Variants in USH2A observed in about 807,000 individuals in gnomAD.
USH2A encodes usherin.
A neutral mutation model predicts 538.9 loss-of-function variants in USH2A; 443 were observed. The ratio of observed to expected loss-of-function variants is 0.82; its 90% CI spans 0.76 to 0.89. The LOEUF (loss-of-function observed/expected upper bound fraction) is 0.89. Ranked by LOEUF, USH2A falls within the 40% of genes least tolerant of loss-of-function variation. The probability of loss-of-function intolerance (pLI) is 0.00; values close to 1 mark genes in which losing one functional copy is unlikely to be tolerated. For synonymous variants in USH2A, 2,413 were observed against 2,273.5 expected, an observed-to-expected ratio of 1.06 and a Z score of -1.75; for missense variants, 6,633 against 6,324.8, an observed-to-expected ratio of 1.05 and a Z score of -1.65.
chr1:215,738,544 C>A (rs1307853240), intron 60 of USH2A, among the ~76,000 whole-genome samples: 4 of 151,902 alleles, frequency 2.6e-5, no homozygotes, highest in African/African-American at 9.7e-5. Flanking sequence ...GGTTATTTTG[C>A]TTTGTTTTTG....
chr1:215,770,741 G>T (rs1558090426), intron 55 of USH2A, among the ~76,000 whole-genome samples: 1 of 151,962 alleles, frequency 6.6e-6, no homozygotes, highest in East Asian at 1.9e-4. Context: ...GCTATTATTT[G>T]TTCATTATAC....
rs920792186 is a variant in USH2A, at chr1:216,414,022, G to A, written c.651+4492C>T. Among the ~76,000 whole-genome samples the A allele has an allele frequency of 5.9e-5, 9 of 152,060 alleles. No individual in the cohort carries two copies. The South Asian group carries it at 6.2e-4, about 11-fold the overall frequency. ...ATTGTTTTACCTACCAATCCATAAC[G>A]AAATGCTAAAGTAAATTTTTTTACA... On this transcript the variant is annotated intron_variant, in intron 3 of 71. Coordinates refer to ENST00000307340, the MANE Select transcript of USH2A (RefSeq NM_206933.4).
chr1:216,170,511 C>T (rs1395188459), intron 21 of USH2A, among the ~76,000 whole-genome samples: 2 of 152,032 alleles, frequency 1.3e-5, no homozygotes, highest in African/African-American at 4.8e-5. Flanking sequence ...CAGTGGTTTG[C>T]TACAAAGATC....
At chr1:216,386,198 A>G (rs1178123705) in intron 3 of USH2A, among the ~76,000 whole-genome samples, 1 of 152,156 alleles carries the variant, frequency 6.6e-6, no homozygotes, top group African/African-American at 2.4e-5. Flanking sequence ...GAAGTTATTA[A>G]AAAGAATAGT....
chr1:215,655,725 C>CTTTTTTTTTTTTTTT lies in USH2A; in HGVS notation c.14134-4939_14134-4925dup, dbSNP rs766225635. Among the ~76,000 whole-genome samples, 157 of 96,192 alleles carry CTTTTTTTTTTTTTTT rather than the reference C, an allele frequency of 1.6e-3. 3 individuals are homozygous for CTTTTTTTTTTTTTTT. The highest frequency in any genetic ancestry group is 5.4e-3 in the African/African-American group (139 of 25,938). The allele number at this position is 96,192 out of a possible 152,430, so 63.1% of individuals were successfully genotyped here. On this transcript the variant is annotated intron_variant, in intron 64 of 71. Coordinates refer to ENST00000307340, the MANE Select transcript of USH2A (RefSeq NM_206933.4). ...TGCTTCTGTTACTGTGCTAGTTATT[C>CTTTTTTTTTTTTTTT]TTTTTTTTTTTTTTTTTTTTTTTTC...
chr1:215,687,587 A>C (rs1658472536), intron 61 of USH2A, among the ~76,000 whole-genome samples: 1 of 152,144 alleles, frequency 6.6e-6, no homozygotes, highest in Non-Finnish European at 1.5e-5. Context: ...CTCATTTTTC[A>C]AAGGAGAAGA....
chr1:216,280,575 T>C (rs939285503), intron 11 of USH2A, among the ~76,000 whole-genome samples: 11 of 152,166 alleles, frequency 7.2e-5, no homozygotes, highest in Non-Finnish European at 1.5e-4. Flanking sequence ...TCCTCTCTCC[T>C]ATTAATATTA....
chr1:215,953,242 G>C (rs1666970300), intron 37 of USH2A, among the ~76,000 whole-genome samples: 2 of 152,006 alleles, frequency 1.3e-5, no homozygotes, highest in Non-Finnish European at 2.9e-5. Context: ...ACCAAAAAAA[G>C]AGCCCGCATT....
intron 61 of USH2A, among the ~76,000 whole-genome samples, chr1:215,680,613 A>G (rs1342038914): frequency 6.6e-6 from 1 of 152,054 alleles, no homozygotes; most frequent in East Asian, 1.9e-4. Flanking sequence ...TGGACCAGAT[A>G]GCATCCTTGA....
Position 215,997,947 on chromosome 1 carries a change from T to C in USH2A, c.6657+940A>G, listed in dbSNP as rs1668176216. Among the ~76,000 whole-genome samples the C allele has an allele frequency of 1.3e-5, 2 of 152,092 alleles. 1 individual carries two copies. Among genetic ancestry groups the C allele is most frequent in the Admixed American group, 1.3e-4 (2 of 15,254 alleles). On this transcript the variant is annotated intron_variant, in intron 34 of 71. Transcript: ENST00000307340. ...AACCACTGTCTGATTGCCCTTGTTT[T>C]GTGGTGTTAAGTCAGACAGTTAGCA...
rs1262415447 is a variant in USH2A, at chr1:216,198,349, A to G, written c.4047T>C (p.Ser1349=). 6.2e-7 allele frequency: 1 copy of G among 1,613,902 alleles called. No individual in the cohort carries two copies. The highest frequency in any genetic ancestry group is 2.2e-5 in the East Asian group (1 of 44,844). The change falls in exon 18 of 72, where the codon TCT becomes TCC. Residue 1349 remains serine, a synonymous_variant. Coordinates refer to ENST00000307340, the MANE Select transcript of USH2A (RefSeq NM_206933.4). ...CCGTTCTTTCTGAGACCCAGGCAGA[A>G]GACACACTTCCAGCCATATTCACAG... ...VLAVNMAGSV[S]SAWVSERTGE...
At chr1:215,857,745 C>A (rs905670609) in intron 44 of USH2A, among the ~76,000 whole-genome samples, 1 of 152,170 alleles carries the variant, frequency 6.6e-6, no homozygotes, top group Non-Finnish European at 1.5e-5. Flanking sequence ...CTGGCCATGA[C>A]AACTCTGTGG....
In USH2A at chr1:215,758,632, A is replaced by G; in HGVS notation, c.11352T>C (p.Ile3784=). 1 of 1,613,774 alleles carries G rather than the reference A, an allele frequency of 6.2e-7. No individual in the cohort carries two copies. Among genetic ancestry groups the G allele is most frequent in the South Asian group, 1.1e-5 (1 of 91,060 alleles). ...AAGCTACAAATATAGAATAAGGCCC[A>G]ATTACTGTGATATTATATGGAGGAT... ...EIYPPYNITV[I]GPYSIFVAWI... Residue 3784 remains isoleucine, a synonymous_variant, in exon 58 of 72, where the codon ATT becomes ATC. Transcript: ENST00000307340.
rs367748838 is a variant in USH2A, at chr1:215,946,737, G to T, written c.7121-11942C>A. ...ATGTGGGTAGTATGGCTGAGGAGCT[G>T]AATTTCTAATTTGATTTTAATGAAT... is the stretch of plus-strand genomic sequence containing the variant. On this transcript the variant is annotated intron_variant, in intron 37 of 71. Coordinates refer to ENST00000307340, the MANE Select transcript of USH2A (RefSeq NM_206933.4). Among the ~76,000 whole-genome samples, 35 of 152,226 alleles carry T rather than the reference G, an allele frequency of 2.3e-4. No homozygotes were observed. The South Asian group carries it at 7.3e-3, about 32-fold the overall frequency.
intron 32 of USH2A, 54 bp downstream of exon 32, chr1:216,046,377 G>T (rs1486917766): frequency 1.9e-6 from 3 of 1,605,782 alleles, no homozygotes; most frequent in Non-Finnish European, 2.6e-6. Flanking sequence ...CTATATGTAT[G>T]TTTATATTTG....
chr1:216,271,946 A>C (rs181553605), intron 11 of USH2A, among the ~76,000 whole-genome samples: 1 of 152,250 alleles, frequency 6.6e-6, no homozygotes, highest in East Asian at 1.9e-4. Flanking sequence ...ATCTATGTTC[A>C]TATGGAATAT....
chr1:216,191,135 G>C (rs2102656005), intron 19 of USH2A, among the ~76,000 whole-genome samples: 1 of 152,070 alleles, frequency 6.6e-6, no homozygotes, highest in South Asian at 2.1e-4. Context: ...AATTTGTTTA[G>C]GTTGTAGGTA....
intron 70 of USH2A, among the ~76,000 whole-genome samples, chr1:215,629,289 G>A (rs192306559): frequency 1.3e-5 from 2 of 152,232 alleles, no homozygotes; most frequent in East Asian, 1.9e-4. Flanking sequence ...CAGTGTTTTC[G>A]GCACCTAGAG....
chr1:215,640,760 A>T (rs1656653209), intron 67 of USH2A, 26 bp from the exon 68 acceptor site: 2 of 1,612,908 alleles, frequency 1.2e-6, no homozygotes, highest in African/African-American at 1.3e-5. Flanking sequence ...TGTATGTTCT[A>T]AAAAGGGTAA....
Sources: gnomAD v4.1 joint callset for allele counts (sites outside exome capture counted in the v4.1 genomes callset) on GRCh38, gnomAD v4.1.1 for gene constraint, MANE v1.5 for transcripts, NCBI Gene and HGNC (gene_info 2026-07-23, HGNC 2026-07-21) for gene names.